VPS13B: variants seen among roughly 807,000 people sequenced by gnomAD.
VPS13B encodes vacuolar protein sorting 13 homolog B.
VPS13B carries 285 observed loss-of-function variants against 426.4 expected under a neutral mutation model. The ratio of observed to expected loss-of-function variants is 0.67; its 90% CI spans 0.61 to 0.74. The LOEUF (loss-of-function observed/expected upper bound fraction) is 0.74. VPS13B is among the 30% of genes least tolerant of loss of function. VPS13B has a pLI of 0.00. For missense variants in VPS13B, 4,537 were observed against 4,782.6 expected (o/e 0.95, Z 1.51); for synonymous variants, 1,676 against 1,676.4 (o/e 1.00, Z 0.01).
chr8:99,273,922 GT>G (rs551807888), intron 17 of VPS13B, among the ~76,000 whole-genome samples: 72 of 151,902 alleles, frequency 4.7e-4, no homozygotes, highest in African/African-American at 1.3e-3. Flanking sequence ...ATTATTTCTT[GT>G]TTTTTTTAAA....
At chr8:99,181,267 A>G (rs1812933136) in intron 16 of VPS13B, among the ~76,000 whole-genome samples, 1 of 152,196 alleles carries the variant, frequency 6.6e-6, no homozygotes, top group Admixed American at 6.6e-5. Context: ...ATCGAGTGAA[A>G]AAAGGTCACA....
In VPS13B at chr8:99,193,654, T is replaced by A. The variant is rs547764490; in HGVS notation, c.2515+597T>A. Among the ~76,000 whole-genome samples, 20 of 152,260 alleles carry A rather than the reference T, an allele frequency of 1.3e-4. No individual in the cohort carries two copies. The East Asian group carries it at 3.9e-3, about 29-fold the overall frequency. On this transcript the variant is annotated intron_variant, in intron 17 of 61. Transcript: ENST00000357162. ...GTTATGTTTGTCAGTAACACAAAAGTAGTTTTTAAAGGTTATAATTTAAGT... is the reference window on the plus strand; with the variant it reads ...GTTATGTTTGTCAGTAACACAAAAGAAGTTTTTAAAGGTTATAATTTAAGT...
chr8:99,371,345 C>T (rs371397800), intron 19 of VPS13B, among the ~76,000 whole-genome samples: 25 of 152,268 alleles, frequency 1.6e-4, no homozygotes, highest in African/African-American at 5.8e-4. Flanking sequence ...AATAGGGAAT[C>T]CTTTTCCCGT....
At chr8:99,817,861 A>G in intron 45 of VPS13B, 58 bp downstream of exon 45, 1 of 1,612,986 alleles carries the variant, frequency 6.2e-7, no homozygotes, top group Non-Finnish European at 8.5e-7. Flanking sequence ...TTTTCTCAAA[A>G]TGTTCTTTAC....
intron 15 of VPS13B, among the ~76,000 whole-genome samples, chr8:99,160,526 G>A (rs974777965): frequency 1.7e-4 from 25 of 151,204 alleles, no homozygotes; most frequent in Non-Finnish European, 3.2e-4. Flanking sequence ...AGGCATTGTG[G>A]TTGCGTGCCA....
intron 39 of VPS13B, among the ~76,000 whole-genome samples, chr8:99,740,735 T>G (rs1433379469): frequency 6.6e-6 from 1 of 151,878 alleles, no homozygotes; most frequent in Non-Finnish European, 1.5e-5. Context: ...GCTTCATAAG[T>G]GAAGGAGAAA....
In VPS13B at chr8:99,854,120, C is replaced by T; in HGVS notation, c.10731C>T (p.Ser3577=). 6.2e-7 allele frequency: 1 copy of T among 1,613,386 alleles called. No individual in the cohort carries two copies. The highest frequency in any genetic ancestry group is 8.5e-7 in the Non-Finnish European group (1 of 1,179,566). ...PVNLLVSIHA[S]LKLYIASDHT... The stretch of plus-strand genomic sequence containing the variant: ...ATTTGCTCGTCAGCATCCACGCTTC[C>T]CTCAAGCTGTACATAGCCTCAGACC... Residue 3577 remains serine (S), a synonymous_variant, in exon 56 of 62, where the codon TCC becomes TCT. Coordinates refer to ENST00000357162, the MANE Select transcript of VPS13B (RefSeq NM_152564.5).
Position 99,329,193 on chromosome 8 carries a change from T to G in VPS13B, c.2824+53939T>G, listed in dbSNP as rs1810432995. ...AACTGTTATCTTTCCAGTTTTTATG[T>G]GAAACATATAGAGTGAAAATTTAAT... On this transcript the variant is annotated intron_variant, in intron 19 of 61. Transcript: ENST00000357162. Among the ~76,000 whole-genome samples, 3 of 152,220 alleles carry G rather than the reference T, an allele frequency of 2.0e-5. No homozygotes were observed. In the South Asian group the frequency reaches 6.2e-4, roughly 32 times the overall value.
intron 17 of VPS13B, among the ~76,000 whole-genome samples, chr8:99,256,596 A>G (rs1817756066): frequency 7.2e-5 from 11 of 152,272 alleles, no homozygotes; most frequent in Admixed American, 6.5e-4. Context: ...CCTAATGGGT[A>G]TGAAGTAGTA....
At chr8:99,751,309 T>C (rs534170495) in intron 39 of VPS13B, among the ~76,000 whole-genome samples, 1 of 152,286 alleles carries the variant, frequency 6.6e-6, no homozygotes, top group East Asian at 1.9e-4. Flanking sequence ...CTCTACAGTA[T>C]GAAATTACAG....
rs1212709125 is a variant in VPS13B at position 99,588,921 on chromosome 8, G to A, written c.5220+11288G>A. 1.3e-5 allele frequency among the ~76,000 whole-genome samples: 2 copies of A among 151,192 alleles called. 1 individual carries two copies. The highest frequency in any genetic ancestry group is 4.9e-5 in the African/African-American group (2 of 40,944). On this transcript the variant is annotated intron_variant, in intron 33 of 61. Transcript: ENST00000357162. The stretch of plus-strand genomic sequence containing the variant: ...TTCAAAGGAAATGCTTCCAGTTTTT[G>A]CCCATTCAGTGTTTATCATAAATAG...
intron 33 of VPS13B, among the ~76,000 whole-genome samples, chr8:99,590,324 T>A (rs1323260043): frequency 6.6e-6 from 1 of 152,230 alleles, no homozygotes; most frequent in Admixed American, 6.5e-5. Context: ...GTTTTTTGTG[T>A]CTCTGTCTCT....
intron 36 of VPS13B, among the ~76,000 whole-genome samples, chr8:99,703,013 C>G (rs553002820): frequency 6.6e-6 from 1 of 152,180 alleles, no homozygotes; most frequent in East Asian, 1.9e-4. Flanking sequence ...ATCATCTAAA[C>G]TGTCATAAGC....
At chr8:99,595,593 A>G (rs574483972) in intron 33 of VPS13B, among the ~76,000 whole-genome samples, 53 of 151,838 alleles carry the variant, frequency 3.5e-4, no homozygotes, top group African/African-American at 1.2e-3. Context: ...ACCAAATCAC[A>G]AAAACTAAAA....
chr8:99,171,068 T>G (rs1186761843), intron 16 of VPS13B, among the ~76,000 whole-genome samples: 1 of 151,818 alleles, frequency 6.6e-6, no homozygotes, highest in Admixed American at 6.6e-5. Context: ...TTCAAGAAAC[T>G]TTGCCTGCTG....
At chr8:99,370,849 A>G (rs1199845914) in intron 19 of VPS13B, among the ~76,000 whole-genome samples, 1 of 152,118 alleles carries the variant, frequency 6.6e-6, no homozygotes, top group African/African-American at 2.4e-5. Context: ...GACTCAAGTC[A>G]TCCGCCCATC....
chr8:99,247,122 A>G (rs1326159408), intron 17 of VPS13B, among the ~76,000 whole-genome samples: 2 of 152,098 alleles, frequency 1.3e-5, no homozygotes, highest in Non-Finnish European at 2.9e-5. Flanking sequence ...GCCTTTGGTT[A>G]TTGCATGAAG....
chr8:99,694,011 G>A (rs1418352997), intron 35 of VPS13B, among the ~76,000 whole-genome samples: 1 of 98,554 alleles, frequency 1.0e-5, no homozygotes, highest in Non-Finnish European at 2.0e-5. Context: ...ACCTCTTCAA[G>A]GAGAACTACA....
chr8:99,527,232 C>T (rs1822698686), intron 30 of VPS13B, among the ~76,000 whole-genome samples: 2 of 151,888 alleles, frequency 1.3e-5, no homozygotes, highest in African/African-American at 4.8e-5. Flanking sequence ...CTTTTGGAAT[C>T]TGTGACTGAG....
Sources: gnomAD v4.1 joint callset for allele counts (sites outside exome capture counted in the v4.1 genomes callset) on GRCh38, gnomAD v4.1.1 for gene constraint, MANE v1.5 for transcripts, NCBI Gene and HGNC (gene_info 2026-07-23, HGNC 2026-07-21) for gene names.